PRIMPOL: variants seen among roughly 807,000 people sequenced by gnomAD.
PRIMPOL encodes the protein primase and DNA directed polymerase.
A neutral mutation model predicts 63.6 loss-of-function variants in PRIMPOL; 54 were observed. That is an observed-to-expected ratio of 0.85 (90% confidence interval 0.68 to 1.07). The LOEUF (loss-of-function observed/expected upper bound fraction) is 1.07. Ranked by LOEUF, PRIMPOL falls within the 50% of genes least tolerant of loss-of-function variation. The pLI is 0.00. For missense variants in PRIMPOL, 610 were observed against 648.3 expected (o/e 0.94, Z 0.64); for synonymous variants, 197 against 220.2 (o/e 0.89, Z 0.93).
chr4:184,650,080 G>T (rs144547804), intron 1 of PRIMPOL, among the ~76,000 whole-genome samples, 172 bp downstream of exon 1: 376 of 152,330 alleles, frequency 2.5e-3, no homozygotes, highest in African/African-American at 8.7e-3. Context: ...ACGCTCTTTC[G>T]ATCACAAAAG....
intron 5 of PRIMPOL, 49 bp from the exon 6 acceptor site, chr4:184,665,868 A>G (rs114560322): frequency 7.5e-7 from 1 of 1,329,514 alleles, no homozygotes; most frequent in Admixed American, 2.4e-5. Flanking sequence ...TTATAGAAAA[A>G]TTTTAAAACA....
intron 7 of PRIMPOL, among the ~76,000 whole-genome samples, chr4:184,676,323 T>TCCCTG (rs1753334464): frequency 9.1e-6 from 1 of 110,006 alleles, no homozygotes; most frequent in Admixed American, 8.8e-5. Flanking sequence ...TCCCTTCCCT[T>TCCCTG]TCCTTCCCTT....
rs1744282410 is a variant in PRIMPOL, at chr4:184,651,159, TG to T, written c.-137-861del. ...AAAAAAAATTAGCCGGGTGCAGTGGTGGGCACCTGTAATCCCAGCTACTTGA... is the reference window on the plus strand; with the variant it reads ...AAAAAAAATTAGCCGGGTGCAGTGGTGGCACCTGTAATCCCAGCTACTTGA... On this transcript the variant is annotated intron_variant, in intron 1 of 13. Coordinates refer to ENST00000314970, the MANE Select transcript of PRIMPOL (RefSeq NM_152683.4). Among the ~76,000 whole-genome samples, 3 of 151,930 alleles carry T rather than the reference TG, an allele frequency of 2.0e-5. No individual in the cohort carries two copies. In the South Asian group the frequency reaches 6.2e-4, roughly 31 times the overall value.
At chr4:184,683,760 C>T (rs1157727394) in intron 9 of PRIMPOL, among the ~76,000 whole-genome samples, 1 of 152,036 alleles carries the variant, frequency 6.6e-6, no homozygotes, top group Non-Finnish European at 1.5e-5. Flanking sequence ...CTCCAGTAAA[C>T]ATTTTTATAC....
intron 9 of PRIMPOL, among the ~76,000 whole-genome samples, chr4:184,683,595 A>C (rs909445428): frequency 6.6e-6 from 1 of 152,226 alleles, no homozygotes; most frequent in Non-Finnish European, 1.5e-5. Context: ...TATTTAACCT[A>C]GAAGAGCGTT....
intron 4 of PRIMPOL, among the ~76,000 whole-genome samples, chr4:184,659,705 A>C (rs1747728047): frequency 6.6e-6 from 1 of 152,248 alleles, no homozygotes; most frequent in Non-Finnish European, 1.5e-5. Context: ...AACAGGTATT[A>C]AATTATACTA....
chr4:184,688,486 T>C (rs1333556045), intron 11 of PRIMPOL, among the ~76,000 whole-genome samples: 1 of 152,198 alleles, frequency 6.6e-6, no homozygotes, highest in Admixed American at 6.5e-5. Context: ...CAAGCTTTAC[T>C]AATAATGTAG....
intron 13 of PRIMPOL, chr4:184,694,063 T>G (rs1759824156): frequency 5.5e-6 from 1 of 183,448 alleles, no homozygotes. Flanking sequence ...AATACTATTA[T>G]GTAATATACA....
Position 184,655,372 on chromosome 4 carries a change from G to A in PRIMPOL, c.-59-1710G>A, listed in dbSNP as rs189810897. Among the ~76,000 whole-genome samples the A allele has an allele frequency of 1.9e-4, 27 of 145,688 alleles. No homozygotes were observed. In the East Asian group the frequency reaches 5.2e-3, roughly 28 times the overall value. On this transcript the variant is annotated intron_variant, in intron 2 of 13. Coordinates refer to ENST00000314970, the MANE Select transcript of PRIMPOL (RefSeq NM_152683.4). ...GGAGTCTTGCCCTGTCACCCAGGCT[G>A]GAGTGCAGTGGTGCGATCTCGGCTC...
Position 184,694,603 on chromosome 4 carries a change from C to T in PRIMPOL, c.1507C>T (p.Leu503=), listed in dbSNP as rs1209021583. ...TCCTCATAAACCATCACCTAGCAGG[C>T]TGTCAACAGGTGCATCTGCTGATGC... ...QNPHKPSPSR[L]STGASADAVW... is the part of the protein sequence containing the mutation. The change falls in exon 14 of 14, where the codon CTG becomes TTG. Residue 503 remains leucine, a synonymous_variant. Coordinates refer to ENST00000314970, the MANE Select transcript of PRIMPOL (RefSeq NM_152683.4). 3 of 1,614,094 alleles carry T rather than the reference C, an allele frequency of 1.9e-6. No homozygotes were observed. Among genetic ancestry groups the T allele is most frequent in the Non-Finnish European group, 2.5e-6 (3 of 1,179,948 alleles).
Position 184,685,556 on chromosome 4 carries a change from A to G in PRIMPOL, c.1187-20A>G. ...TATGATAGAGTGATAGTAGCTTTAG[A>G]AACATTATTTGCATTTTAGGAATTC... is the stretch of plus-strand genomic sequence containing the variant. On this transcript the variant is annotated intron_variant, in intron 10 of 13. Transcript: ENST00000314970. The G allele has an allele frequency of 6.2e-7, 1 of 1,600,170 alleles. No individual in the cohort carries two copies. Among genetic ancestry groups the G allele is most frequent in the Non-Finnish European group, 8.6e-7 (1 of 1,167,604 alleles).
In PRIMPOL at chr4:184,652,905, G is replaced by A. The variant is rs74858644; in HGVS notation, c.-60+805G>A. The stretch of plus-strand genomic sequence containing the variant: ...AAAGAAGGGAAAGAAGGGAGGGAGG[G>A]AGGAAGGAGGGAAGGGAGAAAGGAA... On this transcript the variant is annotated intron_variant, in intron 2 of 13. Coordinates refer to ENST00000314970, the MANE Select transcript of PRIMPOL (RefSeq NM_152683.4). 9.0e-3 allele frequency among the ~76,000 whole-genome samples: 546 copies of A among 60,978 alleles called. 243 individuals carry two copies. The highest frequency in any genetic ancestry group is 0.03 in the African/African-American group (519 of 17,398). 40.0% of individuals were successfully genotyped at this position (60,978 alleles called of 152,430 possible).
intron 7 of PRIMPOL, among the ~76,000 whole-genome samples, chr4:184,675,845 ACT>A (rs1753168052): frequency 1.3e-5 from 2 of 152,108 alleles, no homozygotes; most frequent in Admixed American, 1.3e-4. Context: ...AAACAAAAAA[ACT>A]CACATATAAG....
rs33982215 is a variant in PRIMPOL at position 184,658,072 on chromosome 4, CTTT to C, written c.180+762_180+764del. Among the ~76,000 whole-genome samples the C allele has an allele frequency of 6.5e-5, 9 of 137,988 alleles. No individual in the cohort carries two copies. In the East Asian group the frequency reaches 1.4e-3, roughly 21 times the overall value. 90.5% of individuals were successfully genotyped at this position (137,988 alleles called of 152,430 possible). On this transcript the variant is annotated intron_variant, in intron 3 of 13. Transcript: ENST00000314970. The stretch of plus-strand genomic sequence containing the variant: ...AAGCAACAGATGTGTATTGCACATT[CTTT>C]TTTTTTTTTGGGGCACTGTGGGGAA...
chr4:184,655,691 T>G (rs761345627), intron 2 of PRIMPOL, among the ~76,000 whole-genome samples: 1 of 152,206 alleles, frequency 6.6e-6, no homozygotes, highest in African/African-American at 2.4e-5. Context: ...GAGTTTGTGT[T>G]GCTGCAAAGT....
chr4:184,660,688 C>T (rs1748085379), intron 4 of PRIMPOL, among the ~76,000 whole-genome samples: 1 of 152,180 alleles, frequency 6.6e-6, no homozygotes, highest in African/African-American at 2.4e-5. Flanking sequence ...TTTGCTGAAA[C>T]TCAGTCTCAT....
At position 184,659,384 on chromosome 4, in the gene PRIMPOL, A is replaced by G. The variant is rs777156521; in HGVS notation, c.225A>G (p.Gln75=). 21 of 1,613,966 alleles carry G rather than the reference A, an allele frequency of 1.3e-5. No homozygotes were observed. The Middle Eastern group carries it at 4.9e-4, about 38-fold the overall frequency. ...TGGAATGCAAAGTAGGAGATGGACA[A>G]CGTATTTACCTTGTGACAACCTATG... ...FALECKVGDG[Q]RIYLVTTYAE... is the part of the protein sequence containing the mutation. Residue 75 remains glutamine (Q), a synonymous_variant, in exon 4 of 14, where the codon CAA becomes CAG. Coordinates refer to ENST00000314970, the MANE Select transcript of PRIMPOL (RefSeq NM_152683.4).
intron 11 of PRIMPOL, among the ~76,000 whole-genome samples, chr4:184,689,944 G>A (rs1758054482): frequency 6.6e-6 from 1 of 152,168 alleles, no homozygotes; most frequent in African/African-American, 2.4e-5. Context: ...GCACCTTCCT[G>A]TACAGTTTGG....
At chr4:184,654,003 A>G (rs1745483681) in intron 2 of PRIMPOL, among the ~76,000 whole-genome samples, 1 of 152,262 alleles carries the variant, frequency 6.6e-6, no homozygotes, top group African/African-American at 2.4e-5. Context: ...TGAAGGGGGC[A>G]TGACATATAC....
Sources: allele counts gnomAD v4.1 joint callset (sites outside exome capture counted in the v4.1 genomes callset), GRCh38; gene constraint gnomAD v4.1.1; transcripts MANE v1.5; gene names NCBI Gene and HGNC (gene_info 2026-07-23, HGNC 2026-07-21).